The following OPCML variants were observed in gnomAD, a reference collection of about 807,000 sequenced individuals.
OPCML encodes opioid-binding protein/cell adhesion molecule.
OPCML carries 13 observed loss-of-function variants against 37.8 expected under a neutral mutation model. The observed-to-expected ratio is 0.34, with a 90% CI of 0.22 to 0.55. OPCML has a LOEUF of 0.55. Among genes scored for constraint, OPCML ranks in the 20% least tolerant of loss-of-function variants. The pLI, the probability that OPCML is intolerant of heterozygous loss-of-function variation, is 0.91. For missense variants in OPCML, 341 were observed against 435.6 expected (o/e 0.78, Z 1.93); for synonymous variants, 176 against 168.8 (o/e 1.04, Z -0.33).
chr11:133,192,007 G>A (rs1212840409), intron 1 of OPCML, among the ~76,000 whole-genome samples: 3 of 152,146 alleles, frequency 2.0e-5, no homozygotes, highest in South Asian at 4.1e-4. Context: ...TCTGAGACAA[G>A]TTTGAAGATA....
At chr11:132,512,207 C>T (rs940697930) in intron 4 of OPCML, among the ~76,000 whole-genome samples, 2 of 152,006 alleles carry the variant, frequency 1.3e-5, no homozygotes, top group African/African-American at 4.8e-5. Context: ...ATTTCAAAGA[C>T]AGGATACTAT....
At chr11:133,423,140 C>A in intron 1 of OPCML, 2 of 985,432 alleles carry the variant, frequency 2.0e-6, no homozygotes, top group Non-Finnish European at 2.4e-6. Context: ...TATAACCATT[C>A]ATCCTCTTTC....
chr11:133,508,020 G>T (rs1478853801), intron 1 of OPCML, among the ~76,000 whole-genome samples: 2 of 151,522 alleles, frequency 1.3e-5, no homozygotes, highest in African/African-American at 4.9e-5. Flanking sequence ...CCCAACACTA[G>T]ATATTAGGAT....
intron 1 of OPCML, among the ~76,000 whole-genome samples, chr11:133,079,314 C>A (rs1948672815): frequency 6.6e-6 from 1 of 152,142 alleles, no homozygotes; most frequent in Non-Finnish European, 1.5e-5. Flanking sequence ...AATAATCTCC[C>A]CTTTCCGGAG....
chr11:133,510,045 CT>C, intron 1 of OPCML, among the ~76,000 whole-genome samples: 1 of 152,262 alleles, frequency 6.6e-6, no homozygotes, highest in East Asian at 1.9e-4. Flanking sequence ...TACAGGCTTG[CT>C]TACCATCTGA....
intron 1 of OPCML, among the ~76,000 whole-genome samples, chr11:132,953,782 G>T (rs1056175715): frequency 2.0e-5 from 3 of 152,116 alleles, no homozygotes; most frequent in Non-Finnish European, 4.4e-5. Flanking sequence ...GAGAGCTGGG[G>T]GTCCCCAGCA....
intron 1 of OPCML, among the ~76,000 whole-genome samples, chr11:133,362,767 C>G (rs565965928): frequency 1.3e-5 from 2 of 152,226 alleles, no homozygotes; most frequent in East Asian, 1.9e-4. Flanking sequence ...AGATCCGTTC[C>G]AAACTCCCAC....
intron 1 of OPCML, among the ~76,000 whole-genome samples, chr11:133,507,959 A>C (rs1030304097): frequency 6.6e-6 from 1 of 152,150 alleles, no homozygotes; most frequent in African/African-American, 2.4e-5. Flanking sequence ...AAAAAAAAAA[A>C]AAAATCTCAA....
At chr11:133,489,708 C>A (rs1232831181) in intron 1 of OPCML, among the ~76,000 whole-genome samples, 1 of 152,048 alleles carries the variant, frequency 6.6e-6, no homozygotes, top group African/African-American at 2.4e-5. Flanking sequence ...GGAAATAAAT[C>A]ATTATTTCAA....
At chr11:133,346,546 G>A (rs952713932) in intron 1 of OPCML, among the ~76,000 whole-genome samples, 2 of 152,186 alleles carry the variant, frequency 1.3e-5, no homozygotes, top group Non-Finnish European at 2.9e-5. Context: ...AGGCATATAG[G>A]AGGTAATGCA....
At chr11:132,437,195 GA>G (rs1423533506) in intron 5 of OPCML, 26 bp downstream of exon 5, 9 of 1,606,712 alleles carry the variant, frequency 5.6e-6, no homozygotes, top group Middle Eastern at 3.3e-4. Context: ...CTTTTCCCCA[GA>G]ACCCCCTGGC....
intron 1 of OPCML, among the ~76,000 whole-genome samples, chr11:133,221,523 G>T (rs940542384): frequency 2.0e-5 from 3 of 152,178 alleles, no homozygotes; most frequent in East Asian, 3.9e-4. Flanking sequence ...ATGGTGGGGG[G>T]TATTCGGAAA....
chr11:133,128,519 C>A (rs1422873951), intron 1 of OPCML, among the ~76,000 whole-genome samples: 1 of 152,188 alleles, frequency 6.6e-6, no homozygotes, highest in Non-Finnish European at 1.5e-5. Context: ...ACTTCTCCCT[C>A]ATGTGTAGGG....
At chr11:133,366,347 T>C (rs1944539692) in intron 1 of OPCML, among the ~76,000 whole-genome samples, 1 of 152,180 alleles carries the variant, frequency 6.6e-6, no homozygotes, top group Non-Finnish European at 1.5e-5. Context: ...TGCCTTCAGC[T>C]GCGAGTGTCA....
chr11:132,706,226 G>A (rs1417242728), intron 2 of OPCML, among the ~76,000 whole-genome samples: 1 of 152,178 alleles, frequency 6.6e-6, no homozygotes, highest in Non-Finnish European at 1.5e-5. Flanking sequence ...CCAAGTGCTT[G>A]TGTTTACAGG....
At chr11:133,305,205 C>T (rs1451636507) in intron 1 of OPCML, among the ~76,000 whole-genome samples, 1 of 152,174 alleles carries the variant, frequency 6.6e-6, no homozygotes, top group African/African-American at 2.4e-5. Context: ...AGACACGAAG[C>T]AGGCACAGTG....
rs949298573 is a variant in OPCML at position 133,205,482 on chromosome 11, A to G, written c.62-262472T>C. ...TGATCAGCAGCACTGGTCCCAACCC[A>G]GGGCTTGCACCTAGCACCTGAAGTG... On this transcript the variant is annotated intron_variant, in intron 1 of 7. Coordinates refer to ENST00000524381, the MANE Select transcript of OPCML (RefSeq NM_001012393.5). This position sits in a 1 kb window ranked among gnomAD's most constrained non-coding sequence, Gnocchi z 4.8. 6.6e-6 allele frequency among the ~76,000 whole-genome samples: 1 copy of G among 152,220 alleles called. No individual in the cohort carries two copies. The highest frequency in any genetic ancestry group is 1.5e-5 in the Non-Finnish European group (1 of 68,056).
chr11:132,609,930 C>T (rs895447412), intron 3 of OPCML, among the ~76,000 whole-genome samples: 2 of 152,168 alleles, frequency 1.3e-5, no homozygotes, highest in South Asian at 2.1e-4. Flanking sequence ...AAATATCAAT[C>T]GCAGAAGTTA....
intron 1 of OPCML, among the ~76,000 whole-genome samples, chr11:133,028,747 T>C (rs1459139628): frequency 6.6e-6 from 1 of 151,920 alleles, no homozygotes; most frequent in Non-Finnish European, 1.5e-5. Flanking sequence ...GACTTCAAAA[T>C]ATAAAAATCC....
Sources: allele counts gnomAD v4.1 joint callset (sites outside exome capture counted in the v4.1 genomes callset), GRCh38; gene constraint gnomAD v4.1.1; non-coding constraint Gnocchi (gnomAD v3.1); transcripts MANE v1.5; gene names NCBI Gene and HGNC (gene_info 2026-07-23, HGNC 2026-07-21).